NNAT: variants seen among roughly 807,000 people sequenced by gnomAD.
NNAT encodes neuronatin.
In NNAT, 8 loss-of-function variants were observed where a neutral mutation model predicts 12.7. The observed-to-expected ratio is 0.63, with a 90% CI of 0.37 to 1.14. The LOEUF (loss-of-function observed/expected upper bound fraction) is 1.14, where lower values mean the gene tolerates loss of function less well. Among genes scored for constraint, NNAT ranks in the 50% most tolerant of loss-of-function variants. NNAT has a pLI of 0.01. For synonymous variants in NNAT, 52 were observed against 48.5 expected (o/e 1.07, Z -0.30); for missense variants, 94 against 108.3 (o/e 0.87, Z 0.59).
Position 37,522,402 on chromosome 20 carries a change from A to G in NNAT, c.117A>G (p.Arg39=). 1 of 1,614,020 alleles carries G rather than the reference A, an allele frequency of 6.2e-7. No homozygotes were observed. The highest frequency in any genetic ancestry group is 8.5e-7 in the Non-Finnish European group (1 of 1,179,980). ...CCIYWVGFAF[R]NPPGTQPIAR... is the part of the protein sequence containing the mutation. ...TTTACTGGGTAGGATTCGCTTTTCGAAATCCTCCAGGGACACAGCCCATTG... is the reference window on the plus strand; with the variant it reads ...TTTACTGGGTAGGATTCGCTTTTCGGAATCCTCCAGGGACACAGCCCATTG... The change falls in exon 2 of 3, where the codon CGA becomes CGG. Residue 39 remains arginine (R), a synonymous_variant. Transcript: ENST00000649451.
chr20:37,522,512 C>T, intron 2 of NNAT, 74 bp downstream of exon 2: 3 of 1,501,002 alleles, frequency 2.0e-6, no homozygotes, highest in Middle Eastern at 2.3e-4. Flanking sequence ...CTCCAGCTGC[C>T]CTGACTCGTG....
chr20:37,522,517 C>A, intron 2 of NNAT, 79 bp downstream of exon 2: 1 of 1,473,284 alleles, frequency 6.8e-7, no homozygotes, highest in Non-Finnish European at 9.4e-7. Context: ...GCTGCCCTGA[C>A]TCGTGGACAA....
At position 37,522,416 on chromosome 20, in the gene NNAT, C is replaced by G; in HGVS notation, c.131C>G (p.Thr44Arg). The G allele has an allele frequency of 6.2e-7, 1 of 1,614,000 alleles. No homozygotes were observed. The highest frequency in any genetic ancestry group is 8.5e-7 in the Non-Finnish European group (1 of 1,179,960). The change falls in exon 2 of 3, where the codon ACA becomes AGA. Residue 44 changes from threonine to arginine, a missense_variant. Transcript: ENST00000649451. ...VGFAFRNPPG[T>R]QPIARSEVFR... The stretch of plus-strand genomic sequence containing the variant: ...TTCGCTTTTCGAAATCCTCCAGGGA[C>G]ACAGCCCATTGCGAGAAGTGAGGTA...
At chr20:37,522,609 CCA>C in intron 2 of NNAT, 56 bp from the exon 3 acceptor site, 2 of 1,524,332 alleles carry the variant, frequency 1.3e-6, no homozygotes. Context: ...CACGGCAGCA[CCA>C]CAGACATGCT....
At chr20:37,522,174 GCTTTA>G (rs1275870227) in intron 1 of NNAT, among the ~76,000 whole-genome samples, 179 bp from the exon 2 acceptor site, 1 of 41,278 alleles carries the variant, frequency 2.4e-5, no homozygotes, top group Admixed American at 3.6e-4. Flanking sequence ...AAGGACAATT[GCTTTA>G]CAAAAAAAAA....
intron 2 of NNAT, 69 bp from the exon 3 acceptor site, chr20:37,522,598 G>GGGTGCC: frequency 3.5e-6 from 3 of 864,444 alleles, no homozygotes; most frequent in African/African-American, 1.8e-5. Context: ...GCGGGGGTGG[G>GGGTGCC]CACGGCAGCA....
At position 37,521,449 on chromosome 20, in the gene NNAT, C is replaced by A; in HGVS notation, c.72+46C>A. ...GGTGGGAGAGGGTTCCCAACTCGCG[C>A]CCCTAGAACCCGCAAGACTGCGTCG... On this transcript the variant is annotated intron_variant, in intron 1 of 2. Coordinates refer to ENST00000649451, the MANE Select transcript of NNAT (RefSeq NM_005386.4). The surrounding 1 kb of genome is among the most constrained non-coding windows in gnomAD (Gnocchi z 4.5). The A allele has an allele frequency of 2.5e-6, 4 of 1,574,744 alleles. No homozygotes were observed. The highest frequency in any genetic ancestry group is 3.5e-6 in the Non-Finnish European group (4 of 1,144,118).
Position 37,523,096 on chromosome 20 carries a change from C to G in NNAT, c.*337C>G, listed in dbSNP as rs2071646454. ...GGACAGCACCATCCCAGCCCCGAAG[C>G]CAGGGCCATGCCAGCAGGCCCCACC... On this transcript the variant is annotated 3_prime_UTR_variant, in exon 3 of 3. Coordinates refer to ENST00000649451, the MANE Select transcript of NNAT (RefSeq NM_005386.4). The G allele has an allele frequency of 1.2e-5, 3 of 260,076 alleles. No individual in the cohort carries two copies. Among genetic ancestry groups the G allele is most frequent in the Non-Finnish European group, 2.2e-5 (3 of 137,334 alleles). 16.1% of individuals were successfully genotyped at this position (260,076 alleles called of 1,614,324 possible).
chr20:37,522,197 AT>A (rs1416075042), intron 1 of NNAT, among the ~76,000 whole-genome samples, 160 bp from the exon 2 acceptor site: 19 of 8,490 alleles, frequency 2.2e-3, no homozygotes, highest in African/African-American at 4.3e-3. Context: ...AAAAATAATA[AT>A]AAAAAAAATA....
intron 2 of NNAT, 52 bp from the exon 3 acceptor site, chr20:37,522,615 A>G (rs1455913876): frequency 2.5e-5 from 38 of 1,522,472 alleles, no homozygotes; most frequent in East Asian, 1.4e-4. Context: ...AGCACCACAG[A>G]CATGCTGTGG....
chr20:37,522,739 A>T lies in NNAT; in HGVS notation c.226A>T (p.Arg76Trp), dbSNP rs780016304. The T allele has an allele frequency of 2.4e-5, 39 of 1,607,568 alleles. No homozygotes were observed. The highest frequency in any genetic ancestry group is 3.3e-5 in the Non-Finnish European group (39 of 1,177,636). ...RTGRQVLGER[R>W]QRAPN ...CGGGCGGCAGGTGTTGGGGGAGCGC[A>T]GGCAGCGAGCCCCCAACTGAGGCCC... The change falls in exon 3 of 3, where the codon AGG becomes TGG. Residue 76 changes from arginine (R) to tryptophan (W), a missense_variant. Coordinates refer to ENST00000649451, the MANE Select transcript of NNAT (RefSeq NM_005386.4).
At position 37,521,646 on chromosome 20, in the gene NNAT, C is replaced by T. The variant is rs1439058580; in HGVS notation, c.72+243C>T. 1.2e-5 allele frequency: 6 copies of T among 518,882 alleles called. No homozygotes were observed. The highest frequency in any genetic ancestry group is 2.1e-5 in the Non-Finnish European group (6 of 288,626). 32.1% of individuals were successfully genotyped at this position (518,882 alleles called of 1,614,324 possible). A position where few individuals can be genotyped will look rare whatever the true frequency, so the allele number is the denominator to read the frequency against. Reference sequence around the variant, plus strand: ...GAACAAAGACTCGGGGCGCGGCGGGCGACCGCTGCGGACGATCACCCAGGC... The same window carrying T: ...GAACAAAGACTCGGGGCGCGGCGGGTGACCGCTGCGGACGATCACCCAGGC... On this transcript the variant is annotated intron_variant, in intron 1 of 2. Transcript: ENST00000649451. This position sits in a 1 kb window ranked among gnomAD's most constrained non-coding sequence, Gnocchi z 4.5.
intron 2 of NNAT, 83 bp from the exon 3 acceptor site, chr20:37,522,584 T>TGGGGGGGGGGGGAGGGGGGG: frequency 1.6e-6 from 1 of 629,018 alleles, no homozygotes; most frequent in Non-Finnish European, 2.1e-6. Flanking sequence ...GGGCAGGGGG[T>TGGGGGGGGGGGGAGGGGGGG]GGGGCGGGGG....
chr20:37,522,598 G>GGGGGGGGGCCCC, intron 2 of NNAT, 69 bp from the exon 3 acceptor site: 1 of 864,432 alleles, frequency 1.2e-6, no homozygotes, highest in Non-Finnish European at 1.7e-6. Context: ...GCGGGGGTGG[G>GGGGGGGGGCCCC]CACGGCAGCA....
Position 37,522,917 on chromosome 20 carries a change from G to T in NNAT, c.*158G>T, listed in dbSNP as rs912300443. On this transcript the variant is annotated 3_prime_UTR_variant, in exon 3 of 3. Coordinates refer to ENST00000649451, the MANE Select transcript of NNAT (RefSeq NM_005386.4). ...AGTGAGGGGCCAGTAGACCCCCGGA[G>T]AAGCAGTACCGACAATGACGAAGAT... 2 of 607,590 alleles carry T rather than the reference G, an allele frequency of 3.3e-6. No individual in the cohort carries two copies. Among genetic ancestry groups the T allele is most frequent in the Non-Finnish European group, 5.7e-6 (2 of 349,242 alleles). 37.6% of individuals were successfully genotyped at this position (607,590 alleles called of 1,614,324 possible).
intron 1 of NNAT, 93 bp from the exon 2 acceptor site, chr20:37,522,264 GC>G: frequency 1.2e-6 from 1 of 865,708 alleles, no homozygotes; most frequent in Non-Finnish European, 1.9e-6. Context: ...AAAGCGCTTT[GC>G]CCATAAAATC....
rs986435931 is a variant in NNAT at position 37,522,867 on chromosome 20, C to T, written c.*108C>T. On this transcript the variant is annotated 3_prime_UTR_variant, in exon 3 of 3. Coordinates refer to ENST00000649451, the MANE Select transcript of NNAT (RefSeq NM_005386.4). Reference sequence around the variant, plus strand: ...GAATGTGGGGTCCCCTGTGTTCCCTCGCCAGAGGAGCACTTGGCAAGGTCA... The same window carrying T: ...GAATGTGGGGTCCCCTGTGTTCCCTTGCCAGAGGAGCACTTGGCAAGGTCA... The T allele has an allele frequency of 4.0e-6, 4 of 997,606 alleles. No individual in the cohort carries two copies. Among genetic ancestry groups the T allele is most frequent in the South Asian group, 3.3e-5 (2 of 60,142 alleles). The allele number at this position is 997,606 out of a possible 1,614,324, so 61.8% of individuals were successfully genotyped here.
chr20:37,521,525 T>A lies in NNAT; in HGVS notation c.72+122T>A. 1 of 1,000,202 alleles carries A rather than the reference T, an allele frequency of 1.0e-6. No homozygotes were observed. The highest frequency in any genetic ancestry group is 1.5e-6 in the Non-Finnish European group (1 of 649,402). The allele number at this position is 1,000,202 out of a possible 1,614,324, so 62.0% of individuals were successfully genotyped here. A position where few individuals can be genotyped will look rare whatever the true frequency, so the allele number is the denominator to read the frequency against. Reference sequence around the variant, plus strand: ...TATTCCGATTGCCGCGATCCTTGCCTGCCCAAGTGCCGCTGCCGGCACCGC... The same window carrying A: ...TATTCCGATTGCCGCGATCCTTGCCAGCCCAAGTGCCGCTGCCGGCACCGC... On this transcript the variant is annotated intron_variant, in intron 1 of 2. Transcript: ENST00000649451. The surrounding 1 kb of genome is among the most constrained non-coding windows in gnomAD (Gnocchi z 4.5).
At position 37,521,538 on chromosome 20, in the gene NNAT, C is replaced by T. The variant is rs539643180; in HGVS notation, c.72+135C>T. The T allele has an allele frequency of 2.9e-4, 255 of 881,908 alleles. 3 individuals carry two copies. Among genetic ancestry groups the T allele is most frequent in the Middle Eastern group, 2.0e-3 (7 of 3,560 alleles). The allele number at this position is 881,908 out of a possible 1,614,324, so 54.6% of individuals were successfully genotyped here. On this transcript the variant is annotated intron_variant, in intron 1 of 2. Transcript: ENST00000649451. This position sits in a 1 kb window ranked among gnomAD's most constrained non-coding sequence, Gnocchi z 4.5. ...GCGATCCTTGCCTGCCCAAGTGCCG[C>T]TGCCGGCACCGCGCGCCCCCTGCCC...
Sources: gnomAD v4.1 joint callset for allele counts (sites outside exome capture counted in the v4.1 genomes callset) on GRCh38, gnomAD v4.1.1 for gene constraint, Gnocchi (gnomAD v3.1) non-coding constraint, MANE v1.5 for transcripts, NCBI Gene and HGNC (gene_info 2026-07-23, HGNC 2026-07-21) for gene names.